Variants in RABL6 observed in about 807,000 individuals in gnomAD.
RABL6 encodes the protein RAB, member RAS oncogene family like 6, also known as rab-like protein 6.
In RABL6, 28 loss-of-function variants were observed where a neutral mutation model predicts 72.9. That is an observed-to-expected ratio of 0.38 (90% CI 0.28 to 0.53). The LOEUF is 0.53. Ranked by LOEUF, RABL6 falls within the 20% of genes least tolerant of loss-of-function variation. The pLI, the probability that RABL6 is intolerant of heterozygous loss-of-function variation, is 0.80. For missense variants in RABL6, 1,029 were observed against 1,008.4 expected, an observed-to-expected ratio of 1.02 and a Z score of -0.28; for synonymous variants, 477 against 421.2, an observed-to-expected ratio of 1.13 and a Z score of -1.62.
intron 1 of RABL6, among the ~76,000 whole-genome samples, chr9:136,822,354 C>T (rs1254402209): frequency 6.6e-6 from 1 of 152,164 alleles, no homozygotes; most frequent in Non-Finnish European, 1.5e-5. Context: ...GCTTCCCTGG[C>T]TCTCCCCTCC....
intron 9 of RABL6, 61 bp from the exon 10 acceptor site, chr9:136,837,801 G>C (rs568624450): frequency 1.3e-6 from 2 of 1,541,980 alleles, no homozygotes; most frequent in African/African-American, 2.7e-5. Context: ...GCCTGGCTTG[G>C]GGTTGGGTGC....
chr9:136,839,648 G>C, intron 12 of RABL6, 46 bp from the exon 13 acceptor site: 1 of 1,552,680 alleles, frequency 6.4e-7, no homozygotes, highest in South Asian at 1.2e-5. Flanking sequence ...AACCCCTGGG[G>C]GTGTGGGAGG....
chr9:136,839,193 C>T (rs774833471), intron 11 of RABL6, 29 bp from the exon 12 acceptor site: 45 of 1,595,114 alleles, frequency 2.8e-5, no homozygotes, highest in Non-Finnish European at 3.7e-5. Flanking sequence ...TCCAGAGGAC[C>T]CTGACTGACC....
Position 136,839,038 on chromosome 9 carries a change from G to T in RABL6, c.1410G>T (p.Ser470=), listed in dbSNP as rs180688035. 1,049 of 1,612,522 alleles carry T rather than the reference G, an allele frequency of 6.5e-4. 5 individuals carry two copies. In the African/African-American group the frequency reaches 6.9e-3, roughly 11 times the overall value. ...GPVPSQDITL[S]SEEEAEVAAP... ...TCCCCAGTCAAGACATCACTCTTTC[G>T]AGTGAGGAGGAAGCAGAAGTGGCAG... is the stretch of plus-strand genomic sequence containing the variant. The change falls in exon 11 of 15, where the codon TCG becomes TCT. Residue 470 remains serine, a synonymous_variant. Transcript: ENST00000311502.
intron 1 of RABL6, among the ~76,000 whole-genome samples, chr9:136,823,087 CAAA>C (rs11296242): frequency 2.1e-4 from 26 of 122,706 alleles, no homozygotes; most frequent in Admixed American, 3.2e-4. Flanking sequence ...GACTCCGTCT[CAAA>C]AAAAAAAAAA....
In RABL6 at chr9:136,834,692, C is replaced by CT. The variant is rs1564370579; in HGVS notation, c.706-1050_706-1049insT. 3.3e-5 allele frequency among the ~76,000 whole-genome samples: 5 copies of CT among 152,160 alleles called. No individual in the cohort carries two copies. In the East Asian group the frequency reaches 5.8e-4, roughly 18 times the overall value. On this transcript the variant is annotated intron_variant, in intron 7 of 14. Coordinates refer to ENST00000311502, the MANE Select transcript of RABL6 (RefSeq NM_024718.5). ...CGGGGTTTTGCCATATTGGCCAGGA[C>CT]GGTCTCGATCTCTTGACCTCGTGAT...
intron 8 of RABL6, chr9:136,837,137 A>G (rs370623920): frequency 2.4e-5 from 17 of 704,976 alleles, no homozygotes; most frequent in Middle Eastern, 3.2e-4. Flanking sequence ...GGCCTCCTAC[A>G]GTGCTGGGAT....
Position 136,823,665 on chromosome 9 carries a change from T to G in RABL6, c.265+6T>G. The G allele has an allele frequency of 1.2e-6, 2 of 1,602,882 alleles. No individual in the cohort carries two copies. Among genetic ancestry groups the G allele is most frequent in the Non-Finnish European group, 1.7e-6 (2 of 1,172,250 alleles). On this transcript the variant is annotated splice_donor_region_variant and intron_variant, in intron 2 of 14. Coordinates refer to ENST00000311502, the MANE Select transcript of RABL6 (RefSeq NM_024718.5). ...CATCCACTGGAGCTACAAGAGTAAG[T>G]GTGGTGGGTGCCCCAGTGGGTTCGG...
chr9:136,822,900 A>G (rs962265457), intron 1 of RABL6, among the ~76,000 whole-genome samples: 3 of 152,140 alleles, frequency 2.0e-5, no homozygotes, highest in African/African-American at 4.8e-5. Flanking sequence ...CACCCTGGCT[A>G]ACACGGTGAA....
rs1848401121 is a variant in RABL6, at chr9:136,828,362, CAG to C, written c.314-131_314-130del. Reference sequence around the variant, plus strand: ...CCAGAGCTTGTGGGTGCCCACGCTGCAGGCTGTTTGGGGTGGTGGAGTAGAGC... The same window carrying C: ...CCAGAGCTTGTGGGTGCCCACGCTGCGCTGTTTGGGGTGGTGGAGTAGAGC... On this transcript the variant is annotated intron_variant, in intron 3 of 14. Transcript: ENST00000311502. 8.3e-6 allele frequency: 7 copies of C among 847,468 alleles called. No individual in the cohort carries two copies. In the East Asian group the frequency reaches 1.9e-4, roughly 23 times the overall value. 52.5% of individuals were successfully genotyped at this position (847,468 alleles called of 1,614,324 possible).
chr9:136,821,343 C>G, intron 1 of RABL6: 1 of 985,384 alleles, frequency 1.0e-6, no homozygotes, highest in Non-Finnish European at 1.2e-6. Flanking sequence ...CCGGGAAAGA[C>G]CCGGAGACGG....
At chr9:136,837,762 T>C in intron 9 of RABL6, 100 bp downstream of exon 9, 1 of 1,542,190 alleles carries the variant, frequency 6.5e-7, no homozygotes, top group South Asian at 1.2e-5. Flanking sequence ...TTCCTGCTTG[T>C]CCCAGTCCCG....
chr9:136,836,345 G>C (rs973136552), intron 8 of RABL6: 5 of 153,632 alleles, frequency 3.3e-5, no homozygotes, highest in African/African-American at 9.6e-5. Flanking sequence ...CAGTGGGACA[G>C]CTGGCCCGTT....
rs181240868 is a variant in RABL6, at chr9:136,838,726, C to T, written c.1281-183C>T. ...AGCACTGTGTCCAACCTTGTGCCCCCGACCCCTTCCTGCTCAGAAGCCCTG... is the reference window on the plus strand; with the variant it reads ...AGCACTGTGTCCAACCTTGTGCCCCTGACCCCTTCCTGCTCAGAAGCCCTG... On this transcript the variant is annotated intron_variant, in intron 10 of 14. Coordinates refer to ENST00000311502, the MANE Select transcript of RABL6 (RefSeq NM_024718.5). Among the ~76,000 whole-genome samples, 314 of 147,644 alleles carry T rather than the reference C, an allele frequency of 2.1e-3. 2 individuals carry two copies. Among genetic ancestry groups the T allele is most frequent in the African/African-American group, 7.2e-3 (286 of 39,492 alleles).
chr9:136,816,188 T>C (rs1848115465), intron 1 of RABL6, among the ~76,000 whole-genome samples: 1 of 152,180 alleles, frequency 6.6e-6, no homozygotes, highest in South Asian at 2.1e-4. Context: ...CACTGCAGCC[T>C]TCACCTCCCT....
intron 1 of RABL6, among the ~76,000 whole-genome samples, chr9:136,811,078 GA>G (rs1263630036): frequency 1.3e-5 from 2 of 152,164 alleles, no homozygotes; most frequent in Non-Finnish European, 2.9e-5. Context: ...CATAATGGAT[GA>G]AAAAGTCAAA....
chr9:136,840,058 G>A (rs918469386), intron 13 of RABL6, 96 bp from the exon 14 acceptor site: 24 of 1,567,284 alleles, frequency 1.5e-5, no homozygotes, highest in Non-Finnish European at 2.1e-5. Context: ...GGAGGGCTGG[G>A]GCTCGCTGCT....
At chr9:136,827,212 C>G (rs1848379356) in intron 3 of RABL6, 1 of 152,270 alleles carries the variant, frequency 6.6e-6, no homozygotes, top group Non-Finnish European at 1.5e-5. Context: ...CCATCCCCGC[C>G]CTGACTCAGT....
chr9:136,814,948 A>G (rs1029410158), intron 1 of RABL6: 2 of 166,876 alleles, frequency 1.2e-5, no homozygotes, highest in African/African-American at 4.8e-5. Context: ...CATCCTCTTC[A>G]TCTTCATTCC....
Sources: gnomAD v4.1 joint callset for allele counts (sites outside exome capture counted in the v4.1 genomes callset) on GRCh38, gnomAD v4.1.1 for gene constraint, MANE v1.5 for transcripts, NCBI Gene and HGNC (gene_info 2026-07-23, HGNC 2026-07-21) for gene names.